Variants in CASZ1 observed in about 807,000 individuals in gnomAD.
CASZ1 encodes the protein zinc finger protein castor homolog 1.
A neutral mutation model predicts 135.2 loss-of-function variants in CASZ1; 28 were observed. That is an observed-to-expected ratio of 0.21 (90% CI 0.15 to 0.28). CASZ1 has a LOEUF of 0.28. Ranked by LOEUF, CASZ1 falls within the 10% of genes least tolerant of loss-of-function variation. CASZ1 has a pLI of 1.00. For synonymous variants in CASZ1, 1,068 were observed against 1,073.4 expected (o/e 0.99, Z 0.10); for missense variants, 2,161 against 2,453.3 (o/e 0.88, Z 2.52).
chr1:10,696,997 T>G (rs4845947), intron 3 of CASZ1, among the ~76,000 whole-genome samples: 11,913 of 151,984 alleles, frequency 0.078, 629 homozygotes, highest in East Asian at 0.099. Flanking sequence ...CAGCCAGCAA[T>G]GGAGGGAGGT....
chr1:10,780,051 G>T (rs983624635), intron 1 of CASZ1, among the ~76,000 whole-genome samples: 1 of 152,102 alleles, frequency 6.6e-6, no homozygotes, highest in Non-Finnish European at 1.5e-5. Flanking sequence ...AGAGAGACAC[G>T]GGTTCCAGCA....
chr1:10,680,399 C>T (rs1417230576), intron 4 of CASZ1, among the ~76,000 whole-genome samples: 1 of 152,154 alleles, frequency 6.6e-6, no homozygotes, highest in Non-Finnish European at 1.5e-5. Flanking sequence ...TCTGCAGGCT[C>T]CTCATTAGTC....
rs935838654 is a variant in CASZ1, at chr1:10,726,827, T to G, written c.-76-21283A>C. Reference sequence around the variant, plus strand: ...GGCCAGGGAGAGGCTAGCATGGGGGTGTTCAGAGGCCCAGGGGGTCTTCCC... The same window carrying G: ...GGCCAGGGAGAGGCTAGCATGGGGGGGTTCAGAGGCCCAGGGGGTCTTCCC... On this transcript the variant is annotated intron_variant, in intron 2 of 20. Transcript: ENST00000377022. The surrounding 1 kb of genome is among the most constrained non-coding windows in gnomAD (Gnocchi z 5.7). Among the ~76,000 whole-genome samples the G allele has an allele frequency of 1.3e-5, 2 of 151,504 alleles. No individual in the cohort carries two copies. Among genetic ancestry groups the G allele is most frequent in the Non-Finnish European group, 1.5e-5 (1 of 67,858 alleles).
chr1:10,639,085 C>CGTT lies in CASZ1; in HGVS notation c.5136_5137insAAC (p.Asp1712_Glu1713insAsn). The CGTT allele has an allele frequency of 9.5e-7, 1 of 1,049,842 alleles. No individual in the cohort carries two copies. The highest frequency in any genetic ancestry group is 1.2e-6 in the Non-Finnish European group (1 of 841,840). The allele number at this position is 1,049,842 out of a possible 1,614,324, so 65.0% of individuals were successfully genotyped here. On this transcript the variant is annotated inframe_insertion, in exon 21 of 21. Transcript: ENST00000377022. This position sits in a 1 kb window ranked among gnomAD's most constrained non-coding sequence, Gnocchi z 4.0. ...TCCTCCGAGTCGGTGCGCAGGTCCT[C>CGTT]GTCGTCGTCGTCCTCGTCGTCGTCC...
At chr1:10,677,765 G>A (rs533558219) in intron 4 of CASZ1, among the ~76,000 whole-genome samples, 1 of 152,220 alleles carries the variant, frequency 6.6e-6, no homozygotes, top group African/African-American at 2.4e-5. Flanking sequence ...AGAGCTTTCC[G>A]CAGCCTTGGA....
rs140884101 is a variant in CASZ1 at position 10,719,280 on chromosome 1, C to T, written c.-76-13736G>A. Among the ~76,000 whole-genome samples, 15 of 152,338 alleles carry T rather than the reference C, an allele frequency of 9.8e-5. No homozygotes were observed. The East Asian group carries it at 2.9e-3, about 29-fold the overall frequency. ...GGAGAAGGGAGGTCTGCCAGCAAGG[C>T]ACAGCTCCTAAGAACAGTAAGGCTG... On this transcript the variant is annotated intron_variant, in intron 2 of 20. Transcript: ENST00000377022. The surrounding 1 kb of genome is among the most constrained non-coding windows in gnomAD (Gnocchi z 4.0).
chr1:10,674,783 G>C lies in CASZ1; in HGVS notation c.17-9212C>G, dbSNP rs554611062. Among the ~76,000 whole-genome samples, 3 of 152,320 alleles carry C rather than the reference G, an allele frequency of 2.0e-5. No homozygotes were observed. In the East Asian group the frequency reaches 5.8e-4, roughly 29 times the overall value. The stretch of plus-strand genomic sequence containing the variant: ...TGCTCACCTCTGCCTGGGGATCTGA[G>C]AGCTGCCCTAGGCCTCCTGCTCCCA... On this transcript the variant is annotated intron_variant, in intron 4 of 20. Coordinates refer to ENST00000377022, the MANE Select transcript of CASZ1 (RefSeq NM_001079843.3).
chr1:10,702,987 C>A (rs755406069), intron 3 of CASZ1, among the ~76,000 whole-genome samples: 31 of 117,902 alleles, frequency 2.6e-4, no homozygotes, highest in Admixed American at 5.0e-4. Flanking sequence ...AGAGAGAGAG[C>A]GCCATGGAGT....
At chr1:10,703,109 AAG>A (rs1264077971) in intron 3 of CASZ1, among the ~76,000 whole-genome samples, 6 of 152,092 alleles carry the variant, frequency 3.9e-5, no homozygotes, top group African/African-American at 1.4e-4. Flanking sequence ...AGCCCTCAAA[AAG>A]AGGACAGCAA....
chr1:10,677,931 G>A (rs1476576782), intron 4 of CASZ1, among the ~76,000 whole-genome samples: 1 of 152,360 alleles, frequency 6.6e-6, no homozygotes, highest in East Asian at 1.9e-4. Context: ...CGTTCTCCAG[G>A]GGAAGCAAAG....
At chr1:10,779,372 C>A (rs1640721394) in intron 1 of CASZ1, among the ~76,000 whole-genome samples, 1 of 149,758 alleles carries the variant, frequency 6.7e-6, no homozygotes, top group African/African-American at 2.5e-5. Flanking sequence ...AAGGCTGAGT[C>A]ACCGATACGC....
chr1:10,773,778 T>A (rs1234806782), intron 1 of CASZ1, among the ~76,000 whole-genome samples: 2 of 151,912 alleles, frequency 1.3e-5, no homozygotes, highest in Non-Finnish European at 2.9e-5. Context: ...TGTCCCCAGC[T>A]CACACACACA....
chr1:10,656,886 T>TTGACTGGTCACAATG lies in CASZ1; in HGVS notation c.1410-151_1410-150insCATTGTGACCAGTCA, dbSNP rs1642818072. ...AGAGGCCCAGGCAAGTGACTGGGCC[T>TTGACTGGTCACAATG]GGCGGGAATCCCAGGCCCATTGAGG... On this transcript the variant is annotated intron_variant, in intron 7 of 20. Coordinates refer to ENST00000377022, the MANE Select transcript of CASZ1 (RefSeq NM_001079843.3). 6 of 621,242 alleles carry TTGACTGGTCACAATG rather than the reference T, an allele frequency of 9.7e-6. No homozygotes were observed. In the East Asian group the frequency reaches 1.7e-4, roughly 17 times the overall value. 38.5% of individuals were successfully genotyped at this position (621,242 alleles called of 1,614,324 possible). A position where few individuals can be genotyped will look rare whatever the true frequency, so the allele number is the denominator to read the frequency against.
chr1:10,685,264 T>A (rs1033915588), intron 4 of CASZ1, among the ~76,000 whole-genome samples: 1 of 152,118 alleles, frequency 6.6e-6, no homozygotes, highest in East Asian at 1.9e-4. Context: ...TGGGGAGAAC[T>A]GGGAGGGAAG....
chr1:10,788,587 C>A lies in CASZ1; in HGVS notation c.-234+7977G>T. Among the ~76,000 whole-genome samples the A allele has an allele frequency of 6.6e-6, 1 of 152,192 alleles. No homozygotes were observed. The highest frequency in any genetic ancestry group is 1.5e-5 in the Non-Finnish European group (1 of 68,030). ...GAAGAAGCACAGCCCAGAGACTGCC[C>A]GCCGTCAAACCAAGGCTCAGCAGTG... On this transcript the variant is annotated intron_variant, in intron 1 of 20. Transcript: ENST00000377022. The surrounding 1 kb of genome is among the most constrained non-coding windows in gnomAD (Gnocchi z 4.1).
At chr1:10,745,377 A>C (rs1557547280) in intron 2 of CASZ1, among the ~76,000 whole-genome samples, 1 of 137,200 alleles carries the variant, frequency 7.3e-6, no homozygotes, top group Non-Finnish European at 1.5e-5. Flanking sequence ...CTGCGAGAGT[A>C]AGCCACAGTA....
rs547726971 is a variant in CASZ1, at chr1:10,757,832, T to C, written c.-77+2869A>G. Among the ~76,000 whole-genome samples the C allele has an allele frequency of 6.6e-6, 1 of 152,172 alleles. No homozygotes were observed. The highest frequency in any genetic ancestry group is 1.5e-5 in the Non-Finnish European group (1 of 67,986). On this transcript the variant is annotated intron_variant, in intron 2 of 20. Transcript: ENST00000377022. This position sits in a 1 kb window ranked among gnomAD's most constrained non-coding sequence, Gnocchi z 4.6. ...GAAAACCATCACATCACTTTACCTCTGGCTCAAAACCCTCCAGCGGCTTCC... is the reference window on the plus strand; with the variant it reads ...GAAAACCATCACATCACTTTACCTCCGGCTCAAAACCCTCCAGCGGCTTCC...
In CASZ1 at chr1:10,676,176, A is replaced by AT. The variant is rs1454950139; in HGVS notation, c.17-10606dup. Among the ~76,000 whole-genome samples, 13 of 152,086 alleles carry AT rather than the reference A, an allele frequency of 8.5e-5. No homozygotes were observed. Among genetic ancestry groups the AT allele is most frequent in the Admixed American group, 3.9e-4 (6 of 15,280 alleles). On this transcript the variant is annotated intron_variant, in intron 4 of 20. Transcript: ENST00000377022. This position sits in a 1 kb window ranked among gnomAD's most constrained non-coding sequence, Gnocchi z 4.5. Reference sequence around the variant, plus strand: ...CCCTGAGGGTCACACAGAATGTGTGATCTCAGGGTGGTGACAAACCCATGC... The same window carrying AT: ...CCCTGAGGGTCACACAGAATGTGTGATTCTCAGGGTGGTGACAAACCCATGC...
chr1:10,647,098 G>A lies in CASZ1; in HGVS notation c.3497+703C>T. 6.1e-6 allele frequency: 2 copies of A among 327,270 alleles called. No homozygotes were observed. The highest frequency in any genetic ancestry group is 8.8e-6 in the Non-Finnish European group (2 of 228,050). The allele number at this position is 327,270 out of a possible 1,614,324, so 20.3% of individuals were successfully genotyped here. On this transcript the variant is annotated intron_variant, in intron 16 of 20. Coordinates refer to ENST00000377022, the MANE Select transcript of CASZ1 (RefSeq NM_001079843.3). The surrounding 1 kb of genome is among the most constrained non-coding windows in gnomAD (Gnocchi z 4.9). ...AAACCTGAGCTGCTACTCTGGGGAG[G>A]AGGAGGGGGAGGGGAGGCTGGTGGG...
Sources: gnomAD v4.1 joint callset for allele counts (sites outside exome capture counted in the v4.1 genomes callset) on GRCh38, gnomAD v4.1.1 for gene constraint, Gnocchi (gnomAD v3.1) non-coding constraint, MANE v1.5 for transcripts, NCBI Gene and HGNC (gene_info 2026-07-23, HGNC 2026-07-21) for gene names.